CTNNA2: variants seen among roughly 807,000 people sequenced by gnomAD.
CTNNA2 encodes the protein catenin alpha-2.
CTNNA2 carries 42 observed loss-of-function variants against 101.0 expected under a neutral mutation model. The observed-to-expected ratio is 0.42, with a 90% confidence interval of 0.32 to 0.54. The LOEUF (loss-of-function observed/expected upper bound fraction) is 0.54, where lower values mean the gene tolerates loss of function less well. Among genes scored for constraint, CTNNA2 ranks in the 20% least tolerant of loss-of-function variants. CTNNA2 has a pLI of 0.14. For missense variants in CTNNA2, 871 were observed against 1,223.1 expected (o/e 0.71, Z 4.29); for synonymous variants, 450 against 456.4 (o/e 0.99, Z 0.18).
Position 80,419,511 on chromosome 2 carries a change from A to C in CTNNA2, c.1200A>C (p.Leu400=). 1 of 1,613,476 alleles carries C rather than the reference A, an allele frequency of 6.2e-7. No individual in the cohort carries two copies. Among genetic ancestry groups the C allele is most frequent in the African/African-American group, 1.3e-5 (1 of 75,018 alleles). ...DSFLETNVPL[L]VLIEAAKSGN... is the part of the protein sequence containing the mutation. ...TCCTGGAAACCAATGTTCCTTTGCT[A>C]GTTCTCATTGAGGCTGCAAAGAGCG... The change falls in exon 9 of 19, where the codon CTA becomes CTC. Residue 400 remains leucine (L), a synonymous_variant. Transcript: ENST00000402739.
intron 7 of CTNNA2, among the ~76,000 whole-genome samples, chr2:80,262,699 G>A (rs1484732634): frequency 6.6e-6 from 1 of 152,102 alleles, no homozygotes; most frequent in African/African-American, 2.4e-5. Context: ...CCTTTGAAAG[G>A]TTTAGACAGA....
chr2:79,297,285 C>G (rs796667367), intron 2 of CTNNA2, among the ~76,000 whole-genome samples: 1 of 152,174 alleles, frequency 6.6e-6, no homozygotes, highest in East Asian at 1.9e-4. Context: ...CTACCCACAT[C>G]CACTAACACT....
intron 7 of CTNNA2, among the ~76,000 whole-genome samples, chr2:80,023,914 C>T (rs1017716377): frequency 4.6e-5 from 7 of 151,400 alleles, no homozygotes; most frequent in Admixed American, 1.3e-4. Context: ...GGTGAAACCC[C>T]GTCTCTACTA....
chr2:80,568,624 G>A (rs1694281511), intron 12 of CTNNA2, among the ~76,000 whole-genome samples: 2 of 151,872 alleles, frequency 1.3e-5, no homozygotes, highest in South Asian at 4.1e-4. Flanking sequence ...AAATTACAGA[G>A]AATTGTAGAG....
intron 4 of CTNNA2, among the ~76,000 whole-genome samples, chr2:79,411,079 T>G (rs967968158): frequency 3.3e-5 from 5 of 152,308 alleles, no homozygotes; most frequent in African/African-American, 4.8e-5. Context: ...TTTTCTAGTT[T>G]ATTTGCTTAG....
chr2:79,477,168 C>G (rs112016519), intron 4 of CTNNA2, among the ~76,000 whole-genome samples: 3 of 123,148 alleles, frequency 2.4e-5, no homozygotes, highest in Admixed American at 8.2e-5. Flanking sequence ...TCTTTTTTTT[C>G]TTTTTTTTTT....
intron 7 of CTNNA2, among the ~76,000 whole-genome samples, chr2:80,075,665 C>T (rs1296616025): frequency 4.8e-5 from 5 of 103,488 alleles, no homozygotes. Flanking sequence ...AATATTTATA[C>T]ATGTATAAAT....
At chr2:80,593,285 A>G (rs1298440453) in intron 15 of CTNNA2, among the ~76,000 whole-genome samples, 1 of 152,098 alleles carries the variant, frequency 6.6e-6, no homozygotes, top group Non-Finnish European at 1.5e-5. Flanking sequence ...ATTGTCTTCC[A>G]CGGATAGGAA....
At chr2:80,203,551 T>C (rs1177769944) in intron 7 of CTNNA2, among the ~76,000 whole-genome samples, 1 of 152,254 alleles carries the variant, frequency 6.6e-6, no homozygotes, top group African/African-American at 2.4e-5. Flanking sequence ...ATCCAGGTCA[T>C]GCTGATGCAA....
intron 2 of CTNNA2, among the ~76,000 whole-genome samples, chr2:79,201,910 G>A (rs1040536813): frequency 3.3e-5 from 5 of 152,172 alleles, no homozygotes; most frequent in African/African-American, 1.2e-4. Context: ...CAGTGGTACA[G>A]TTTGCTTTTA....
chr2:80,232,546 C>T (rs1709317077), intron 7 of CTNNA2, among the ~76,000 whole-genome samples: 1 of 151,610 alleles, frequency 6.6e-6, no homozygotes, highest in South Asian at 2.1e-4. Flanking sequence ...GATTGTGAAT[C>T]TGATACAGAA....
At chr2:79,519,613 G>C (rs957327461) in intron 1 of CTNNA2, among the ~76,000 whole-genome samples, 1 of 151,950 alleles carries the variant, frequency 6.6e-6, no homozygotes, top group African/African-American at 2.4e-5. Context: ...CAAGGCAAAT[G>C]ATTTGTTTTC....
chr2:79,399,005 A>G (rs1412373748), intron 4 of CTNNA2, among the ~76,000 whole-genome samples: 1 of 152,138 alleles, frequency 6.6e-6, no homozygotes, highest in Non-Finnish European at 1.5e-5. Flanking sequence ...TGGAAGAGGT[A>G]GAACTGAATT....
rs1553445237 is a variant in CTNNA2, at chr2:80,079,865, A to AATAAG, written c.1056+170072_1056+170073insGATAA. On this transcript the variant is annotated intron_variant, in intron 7 of 18. Transcript: ENST00000402739. ...AATAAAATAAAATAAAATAAAATAA[A>AATAAG]ATAAAATAAAATAAAATAATAAAAT... Among the ~76,000 whole-genome samples, 282 of 112,978 alleles carry AATAAG rather than the reference A, an allele frequency of 2.5e-3. 5 individuals carry two copies. Among genetic ancestry groups the AATAAG allele is most frequent in the Admixed American group, 0.017 (164 of 9,462 alleles). 74.1% of individuals were successfully genotyped at this position (112,978 alleles called of 152,430 possible). A position where few individuals can be genotyped will look rare whatever the true frequency, so the allele number is the denominator to read the frequency against.
intron 7 of CTNNA2, among the ~76,000 whole-genome samples, chr2:80,275,956 T>A (rs1227485541): frequency 6.7e-6 from 1 of 148,990 alleles, no homozygotes; most frequent in East Asian, 1.9e-4. Flanking sequence ...CATTAGGAGA[T>A]TTTTTTTTAT....
At chr2:79,399,253 A>C (rs1037914818) in intron 4 of CTNNA2, among the ~76,000 whole-genome samples, 1 of 152,098 alleles carries the variant, frequency 6.6e-6, no homozygotes, top group African/African-American at 2.4e-5. Flanking sequence ...TGAAATATCC[A>C]TAGGAAACTT....
At chr2:80,112,245 A>G (rs367993970) in intron 7 of CTNNA2, among the ~76,000 whole-genome samples, 1 of 152,234 alleles carries the variant, frequency 6.6e-6, no homozygotes, top group Non-Finnish European at 1.5e-5. Context: ...ACATTTAAAA[A>G]ATAAAGATCT....
rs533017970 is a variant in CTNNA2 at position 80,468,473 on chromosome 2, C to T, written c.1290+48872C>T. On this transcript the variant is annotated intron_variant, in intron 9 of 18. Transcript: ENST00000402739. ...TGGCTCTGTCACCCAGGCTAGAGAG[C>T]AGTGGTGCAATCTCGGCTCACTGCA... Among the ~76,000 whole-genome samples the T allele has an allele frequency of 2.2e-4, 33 of 152,216 alleles. No individual in the cohort carries two copies. The South Asian group carries it at 2.3e-3, about 11-fold the overall frequency.
At chr2:79,915,391 A>G (rs1001582358) in intron 7 of CTNNA2, among the ~76,000 whole-genome samples, 1 of 151,996 alleles carries the variant, frequency 6.6e-6, no homozygotes, top group Non-Finnish European at 1.5e-5. Flanking sequence ...TTTGCAATCT[A>G]TTCTCTTTAC....
Sources: allele counts gnomAD v4.1 joint callset (sites outside exome capture counted in the v4.1 genomes callset), GRCh38; gene constraint gnomAD v4.1.1; transcripts MANE v1.5; gene names NCBI Gene and HGNC (gene_info 2026-07-23, HGNC 2026-07-21).